The following GPC5 variants were observed in gnomAD, a reference collection of about 807,000 sequenced individuals.
GPC5 encodes the protein glypican 5.
In GPC5, 47 loss-of-function variants were observed where a neutral mutation model predicts 53.9. That is an observed-to-expected ratio of 0.87 (90% CI 0.69 to 1.11). GPC5 has a LOEUF of 1.11. Ranked by LOEUF, GPC5 falls within the 50% of genes most tolerant of loss-of-function variation. The pLI, the probability that GPC5 is intolerant of heterozygous loss-of-function variation, is 0.00. For missense variants in GPC5, 748 were observed against 713.1 expected, an observed-to-expected ratio of 1.05 and a Z score of -0.56; for synonymous variants, 286 against 263.3, an observed-to-expected ratio of 1.09 and a Z score of -0.84.
rs1031549435 is a variant in GPC5 at position 91,398,928 on chromosome 13, G to A, written c.-119G>A. 1.5e-6 allele frequency: 2 copies of A among 1,346,300 alleles called. No homozygotes were observed. Among genetic ancestry groups the A allele is most frequent in the Admixed American group, 2.7e-5 (1 of 36,424 alleles). The allele number at this position is 1,346,300 out of a possible 1,614,324, so 83.4% of individuals were successfully genotyped here. ...TGCCCGCGGGCGGTCCGTACACCCC[G>A]CAGCCGGCTCGCACCGCTCGAGAGC... On this transcript the variant is annotated 5_prime_UTR_variant, in exon 1 of 8. Coordinates refer to ENST00000377067, the MANE Select transcript of GPC5 (RefSeq NM_004466.6).
intron 7 of GPC5, among the ~76,000 whole-genome samples, chr13:92,235,325 T>C (rs2042561951): frequency 6.6e-6 from 1 of 152,164 alleles, no homozygotes; most frequent in Non-Finnish European, 1.5e-5. Context: ...TAATACTGTA[T>C]TTATTGAAAT....
intron 7 of GPC5, among the ~76,000 whole-genome samples, chr13:92,672,097 G>C (rs1886773763): frequency 6.6e-6 from 1 of 152,088 alleles, no homozygotes. Context: ...TTATTAATAA[G>C]TTCCAGACTT....
intron 5 of GPC5, among the ~76,000 whole-genome samples, chr13:91,835,970 C>T (rs1314245894): frequency 6.6e-6 from 1 of 151,984 alleles, no homozygotes; most frequent in Admixed American, 6.6e-5. Context: ...CTTTACAGTT[C>T]TTTAAGCACA....
At position 91,697,292 on chromosome 13, in the gene GPC5, G is replaced by A. The variant is rs1414091676; in HGVS notation, c.1020+3411G>A. Among the ~76,000 whole-genome samples, 7 of 152,176 alleles carry A rather than the reference G, an allele frequency of 4.6e-5. No homozygotes were observed. The South Asian group carries it at 1.0e-3, about 23-fold the overall frequency. On this transcript the variant is annotated intron_variant, in intron 3 of 7. Coordinates refer to ENST00000377067, the MANE Select transcript of GPC5 (RefSeq NM_004466.6). Reference sequence around the variant, plus strand: ...CAAGTAGCTGGGACTACAGGTGCCTGCCACCATGCCCAGCTAATTTTTGTA... The same window carrying A: ...CAAGTAGCTGGGACTACAGGTGCCTACCACCATGCCCAGCTAATTTTTGTA...
chr13:92,456,002 A>G (rs953978578), intron 7 of GPC5, among the ~76,000 whole-genome samples: 1 of 152,228 alleles, frequency 6.6e-6, no homozygotes, highest in Non-Finnish European at 1.5e-5. Flanking sequence ...GAAAACACAG[A>G]CATCCAAATG....
At chr13:92,499,588 C>T (rs931193284) in intron 7 of GPC5, among the ~76,000 whole-genome samples, 1 of 152,056 alleles carries the variant, frequency 6.6e-6, no homozygotes, top group African/African-American at 2.4e-5. Flanking sequence ...CTGAAAAGTG[C>T]ATTAATTAAC....
intron 2 of GPC5, among the ~76,000 whole-genome samples, chr13:91,660,478 C>T (rs1232140548): frequency 1.3e-5 from 2 of 152,134 alleles, no homozygotes; most frequent in Non-Finnish European, 2.9e-5. Flanking sequence ...ACTGCATTCC[C>T]GGCAGATTCC....
At chr13:92,089,251 G>A (rs1286201522) in intron 6 of GPC5, among the ~76,000 whole-genome samples, 2 of 152,098 alleles carry the variant, frequency 1.3e-5, no homozygotes, top group African/African-American at 4.8e-5. Flanking sequence ...TGGCTAACAC[G>A]GTGAGACCCT....
At chr13:92,353,957 G>A (rs181322541) in intron 7 of GPC5, among the ~76,000 whole-genome samples, 14 of 152,276 alleles carry the variant, frequency 9.2e-5, no homozygotes, top group African/African-American at 1.2e-4. Flanking sequence ...ATTGAAATAC[G>A]TGTCTTTTTT....
intron 7 of GPC5, among the ~76,000 whole-genome samples, chr13:92,816,372 A>G (rs1429052556): frequency 6.6e-6 from 1 of 152,054 alleles, no homozygotes; most frequent in African/African-American, 2.4e-5. Flanking sequence ...TATAAATTAC[A>G]ATAATGAATA....
chr13:92,452,105 C>A (rs987287738), intron 7 of GPC5, among the ~76,000 whole-genome samples: 1 of 152,048 alleles, frequency 6.6e-6, no homozygotes, highest in African/African-American at 2.4e-5. Flanking sequence ...TAGTAAATCC[C>A]TCATTGAGAG....
chr13:92,807,362 T>C (rs1342243221), intron 7 of GPC5, among the ~76,000 whole-genome samples: 1 of 152,078 alleles, frequency 6.6e-6, no homozygotes, highest in South Asian at 2.1e-4. Flanking sequence ...GTGTAGCTTG[T>C]TCATAATATT....
At chr13:92,758,644 T>C (rs1875017610) in intron 7 of GPC5, among the ~76,000 whole-genome samples, 2 of 152,156 alleles carry the variant, frequency 1.3e-5, no homozygotes, top group Non-Finnish European at 2.9e-5. Flanking sequence ...CACTTGTGTT[T>C]ATATTTATTT....
At chr13:91,518,991 G>A (rs920299806) in intron 2 of GPC5, among the ~76,000 whole-genome samples, 3 of 152,284 alleles carry the variant, frequency 2.0e-5, no homozygotes, top group Admixed American at 2.0e-4. Context: ...CATTTTAATG[G>A]CATTTTACTA....
At chr13:92,395,495 T>G (rs1875226781) in intron 7 of GPC5, among the ~76,000 whole-genome samples, 1 of 152,158 alleles carries the variant, frequency 6.6e-6, no homozygotes, top group Non-Finnish European at 1.5e-5. Flanking sequence ...AACATTTATC[T>G]TCTAGGTACA....
At chr13:91,766,673 C>T (rs1020868894) in intron 5 of GPC5, among the ~76,000 whole-genome samples, 4 of 152,056 alleles carry the variant, frequency 2.6e-5, no homozygotes, top group Admixed American at 6.5e-5. Context: ...CCAGCCTGAC[C>T]AACATGGTGA....
chr13:91,924,376 G>T (rs2039746490), intron 6 of GPC5, among the ~76,000 whole-genome samples: 1 of 152,002 alleles, frequency 6.6e-6, no homozygotes. Context: ...GATTTTTCAT[G>T]CTTCTGCACT....
At chr13:91,425,417 TG>T (rs1456788931) in intron 1 of GPC5, among the ~76,000 whole-genome samples, 1 of 152,108 alleles carries the variant, frequency 6.6e-6, no homozygotes, top group Non-Finnish European at 1.5e-5. Flanking sequence ...AGAGACCTGG[TG>T]GGAAGTGATT....
intron 7 of GPC5, among the ~76,000 whole-genome samples, chr13:92,861,196 T>C (rs1246125296): frequency 1.3e-5 from 2 of 152,166 alleles, no homozygotes; most frequent in African/African-American, 4.8e-5. Flanking sequence ...TCCCTACCAA[T>C]TGGCACTTAA....
Sources: gnomAD v4.1 joint callset for allele counts (sites outside exome capture counted in the v4.1 genomes callset) on GRCh38, gnomAD v4.1.1 for gene constraint, MANE v1.5 for transcripts, NCBI Gene and HGNC (gene_info 2026-07-23, HGNC 2026-07-21) for gene names.